The following GPR141 variants were observed in gnomAD, a reference collection of about 807,000 sequenced individuals.
The protein encoded by GPR141 is G protein-coupled receptor 141, also known as probable G protein-coupled receptor 141.
GPR141 carries 6 observed loss-of-function variants against 6.8 expected under a neutral mutation model. That is an observed-to-expected ratio of 0.88 (90% CI 0.48 to 1.74). GPR141 has a LOEUF of 1.74. GPR141 is among the 40% of genes most tolerant of loss of function. The probability of loss-of-function intolerance (pLI) is 0.01; values close to 1 mark genes in which losing one functional copy is unlikely to be tolerated. For synonymous variants in GPR141, 140 were observed against 142.3 expected (o/e 0.98, Z 0.11); for missense variants, 372 against 372.9 (o/e 1.00, Z 0.02).
At chr7:37,722,737 A>C (rs1422193830) in intron 2 of GPR141, among the ~76,000 whole-genome samples, 1 of 139,804 alleles carries the variant, frequency 7.2e-6, no homozygotes, top group African/African-American at 2.6e-5. Flanking sequence ...AAAAAAAAAA[A>C]AGTTCAGAAA....
At position 37,693,093 on chromosome 7, in the gene GPR141, A is replaced by G. The variant is rs1418635372; in HGVS notation, c.-15+7510A>G. Among the ~76,000 whole-genome samples the G allele has an allele frequency of 1.1e-4, 16 of 152,042 alleles. 1 individual carries two copies. Among genetic ancestry groups the G allele is most frequent in the Admixed American group, 1.0e-3 (16 of 15,262 alleles). ...AGCCTTTGCCCATGCCTATGTCCTG[A>G]ATAGTATTGCCTAGGTTTTCTTCTA... On this transcript the variant is annotated intron_variant, in intron 2 of 2. Coordinates refer to ENST00000334425, the MANE Select transcript of GPR141 (RefSeq NM_001381946.1).
intron 2 of GPR141, among the ~76,000 whole-genome samples, chr7:37,720,996 C>T (rs988766067): frequency 4.6e-5 from 7 of 152,244 alleles, no homozygotes; most frequent in South Asian, 2.1e-4. Flanking sequence ...ACAAACAATA[C>T]AGTTGAAAAA....
At chr7:37,735,713 A>G (rs1812201447) in intron 2 of GPR141, among the ~76,000 whole-genome samples, 1 of 152,138 alleles carries the variant, frequency 6.6e-6, no homozygotes, top group African/African-American at 2.4e-5. Flanking sequence ...ATAATGGAAA[A>G]CCAAGAGAAA....
intron 2 of GPR141, chr7:37,709,730 G>T (rs1437308077): frequency 6.6e-6 from 1 of 152,172 alleles, no homozygotes; most frequent in Non-Finnish European, 1.5e-5. Context: ...ATGGATAAAA[G>T]AAATCCCTGT....
chr7:37,705,764 G>A (rs978096805), intron 2 of GPR141, among the ~76,000 whole-genome samples: 2 of 152,088 alleles, frequency 1.3e-5, no homozygotes, highest in Non-Finnish European at 2.9e-5. Flanking sequence ...ACAGCTATAC[G>A]GTATTCCCAT....
Position 37,693,286 on chromosome 7 carries a change from T to C in GPR141, c.-15+7703T>C, listed in dbSNP as rs113961344. ...TCCTTTCCTCATTGTTTGTTTTTGTTAGGTTTGTCAAAGATCAGATGATTG... is the reference window on the plus strand; with the variant it reads ...TCCTTTCCTCATTGTTTGTTTTTGTCAGGTTTGTCAAAGATCAGATGATTG... On this transcript the variant is annotated intron_variant, in intron 2 of 2. Transcript: ENST00000334425. 7.9e-3 allele frequency among the ~76,000 whole-genome samples: 1,200 copies of C among 152,242 alleles called. 23 individuals carry two copies. Among genetic ancestry groups the C allele is most frequent in the African/African-American group, 0.027 (1,127 of 41,538 alleles).
At chr7:37,702,936 AAT>A (rs911229953) in intron 2 of GPR141, among the ~76,000 whole-genome samples, 3 of 151,796 alleles carry the variant, frequency 2.0e-5, no homozygotes, top group African/African-American at 7.2e-5. Flanking sequence ...ATTCATATAA[AAT>A]ATGTTTACCC....
chr7:37,703,027 C>G (rs1810361278), intron 2 of GPR141, among the ~76,000 whole-genome samples: 1 of 151,900 alleles, frequency 6.6e-6, no homozygotes, highest in Non-Finnish European at 1.5e-5. Context: ...CATTGTTTTT[C>G]AAATGTATCC....
intron 2 of GPR141, 146 bp from the exon 3 acceptor site, chr7:37,740,234 A>G (rs1325059479): frequency 1.6e-6 from 1 of 638,784 alleles, no homozygotes; most frequent in South Asian, 2.0e-5. Context: ...GCAAACATTC[A>G]TAGGAAATAA....
At chr7:37,687,605 C>A (rs1472842666) in intron 2 of GPR141, among the ~76,000 whole-genome samples, 4 of 152,084 alleles carry the variant, frequency 2.6e-5, no homozygotes, top group Non-Finnish European at 5.9e-5. Context: ...ATCCAAAGAC[C>A]ACATGCTTCA....
chr7:37,702,512 T>G (rs1036952901), intron 2 of GPR141, among the ~76,000 whole-genome samples: 1 of 152,008 alleles, frequency 6.6e-6, no homozygotes, highest in Non-Finnish European at 1.5e-5. Context: ...TTCACATTAG[T>G]TTAAGAAAAC....
Position 37,695,140 on chromosome 7 carries a change from C to G in GPR141, c.-15+9557C>G, listed in dbSNP as rs1195260824. On this transcript the variant is annotated intron_variant, in intron 2 of 2. Coordinates refer to ENST00000334425, the MANE Select transcript of GPR141 (RefSeq NM_001381946.1). ...AGATGGAGGAGCAGGTAGAGTGGTTCCACTGCTGCTTGGTCTCCAGGGAAG... is the reference window on the plus strand; with the variant it reads ...AGATGGAGGAGCAGGTAGAGTGGTTGCACTGCTGCTTGGTCTCCAGGGAAG... 5.3e-5 allele frequency among the ~76,000 whole-genome samples: 8 copies of G among 152,156 alleles called. No homozygotes were observed. In the East Asian group the frequency reaches 9.6e-4, roughly 18 times the overall value.
At chr7:37,714,789 C>T (rs1810969492) in intron 2 of GPR141, among the ~76,000 whole-genome samples, 1 of 152,118 alleles carries the variant, frequency 6.6e-6, no homozygotes, top group Non-Finnish European at 1.5e-5. Context: ...ACTGTTACGC[C>T]ATGGCAGTTA....
chr7:37,690,765 GA>G (rs148301088), intron 2 of GPR141, among the ~76,000 whole-genome samples: 121 of 142,488 alleles, frequency 8.5e-4, no homozygotes, highest in Admixed American at 1.2e-3. Context: ...ATGTGTTGAT[GA>G]AAAAAAAAAA....
intron 2 of GPR141, among the ~76,000 whole-genome samples, chr7:37,736,087 G>A (rs569445519): frequency 5.3e-5 from 8 of 152,096 alleles, no homozygotes; most frequent in South Asian, 2.1e-4. Context: ...GGTGAAACCC[G>A]TCTCTACTAA....
intron 2 of GPR141, among the ~76,000 whole-genome samples, chr7:37,713,954 A>G (rs577660370): frequency 2.6e-5 from 4 of 152,364 alleles, no homozygotes; most frequent in African/African-American, 4.8e-5. Context: ...TTGCTTAAGG[A>G]TGAAATGGTA....
chr7:37,734,943 T>C (rs993361272), intron 2 of GPR141, among the ~76,000 whole-genome samples: 1 of 152,234 alleles, frequency 6.6e-6, no homozygotes, highest in African/African-American at 2.4e-5. Context: ...CTATAACATA[T>C]TTACATTATA....
chr7:37,719,203 A>C (rs991492959), intron 2 of GPR141, among the ~76,000 whole-genome samples: 1 of 152,264 alleles, frequency 6.6e-6, no homozygotes, highest in Admixed American at 6.5e-5. Flanking sequence ...GGTAACCAGC[A>C]CTATCACAAG....
At chr7:37,699,748 A>C (rs10232856) in intron 2 of GPR141, among the ~76,000 whole-genome samples, 51,702 of 152,146 alleles carry the variant, frequency 0.34, 8,924 homozygotes, top group Middle Eastern at 0.39. Flanking sequence ...AGTTGCTTTG[A>C]ATAAGTAAAT....
Sources: allele counts gnomAD v4.1 joint callset (sites outside exome capture counted in the v4.1 genomes callset), GRCh38; gene constraint gnomAD v4.1.1; transcripts MANE v1.5; gene names NCBI Gene and HGNC (gene_info 2026-07-23, HGNC 2026-07-21).